INTS3: variants seen among roughly 807,000 people sequenced by gnomAD.
INTS3 encodes the protein SOSS complex subunit A.
In INTS3, 34 loss-of-function variants were observed where a neutral mutation model predicts 146.3. The observed-to-expected ratio is 0.23, with a 90% CI of 0.18 to 0.31. INTS3 has a LOEUF of 0.31. INTS3 is among the 10% of genes least tolerant of loss of function. The probability of loss-of-function intolerance (pLI) is 1.00; values close to 1 mark genes in which losing one functional copy is unlikely to be tolerated. For synonymous variants in INTS3, 475 were observed against 494.9 expected (o/e 0.96, Z 0.53); for missense variants, 757 against 1,304.2 (o/e 0.58, Z 6.46).
chr1:153,731,194 A>G (rs1671046642), intron 1 of INTS3, among the ~76,000 whole-genome samples: 1 of 152,178 alleles, frequency 6.6e-6, no homozygotes, highest in African/African-American at 2.4e-5. Context: ...AACAAAAACA[A>G]TAAACAAAAG....
In INTS3 at chr1:153,773,044, C is replaced by T. The variant is rs1422486410; in HGVS notation, c.3014C>T (p.Pro1005Leu). 9 of 1,614,192 alleles carry T rather than the reference C, an allele frequency of 5.6e-6. No homozygotes were observed. Among genetic ancestry groups the T allele is most frequent in the Admixed American group, 5.0e-5 (3 of 60,016 alleles). Residue 1005 changes from proline (P) to leucine (L), a missense_variant, in exon 29 of 30, where the codon CCC becomes CTC. Transcript: ENST00000318967. Reference protein sequence around the residue: ...PRSRKNATQPPNAEEESGSSS... With the variant: ...PRSRKNATQPLNAEEESGSSS... ...AGTCGAAAGAATGCCACACAGCCCCCCAATGCCGAAGAAGAGTCGGGCTCC... is the reference window on the plus strand; with the variant it reads ...AGTCGAAAGAATGCCACACAGCCCCTCAATGCCGAAGAAGAGTCGGGCTCC...
chr1:153,754,117 T>C lies in INTS3; in HGVS notation c.860-525T>C, dbSNP rs375802238. Among the ~76,000 whole-genome samples, 144 of 152,202 alleles carry C rather than the reference T, an allele frequency of 9.5e-4. 2 individuals carry two copies. Among genetic ancestry groups the C allele is most frequent in the African/African-American group, 3.3e-3 (139 of 41,532 alleles). On this transcript the variant is annotated intron_variant, in intron 8 of 29. Transcript: ENST00000318967. ...TGCTGGTCTTTTAAATTATTTTTGT[T>C]CTCTCATGTCAGGCAGGTAATGTGG... is the stretch of plus-strand genomic sequence containing the variant.
At chr1:153,764,819 G>T (rs961523534) in intron 19 of INTS3, 85 bp downstream of exon 19, 1 of 1,526,244 alleles carries the variant, frequency 6.6e-7, no homozygotes, top group African/African-American at 1.4e-5. Flanking sequence ...GGGGTAATGG[G>T]ACTCGCTTTC....
intron 1 of INTS3, among the ~76,000 whole-genome samples, chr1:153,740,000 CAT>C (rs1022791821): frequency 6.6e-6 from 1 of 151,522 alleles, no homozygotes; most frequent in Non-Finnish European, 1.5e-5. Flanking sequence ...CGGAGTTTCA[CAT>C]GTTGGTCAGG....
rs376736703 is a variant in INTS3 at position 153,757,625 on chromosome 1, G to A, written c.1011G>A (p.Leu337=). 109 of 1,614,192 alleles carry A rather than the reference G, an allele frequency of 6.8e-5. 2 individuals carry two copies. The East Asian group carries it at 1.4e-3, about 20-fold the overall frequency. Residue 337 remains leucine, a synonymous_variant, in exon 10 of 30, where the codon CTG becomes CTA. Transcript: ENST00000318967. The surrounding 1 kb of genome is among the most constrained non-coding windows in gnomAD (Gnocchi z 4.0). The stretch of plus-strand genomic sequence containing the variant: ...AAGATTGGTTCCAGCGCCAGTACCT[G>A]TCAACTCCAGATAGTCAGTCTCTGC... ...RYQDWFQRQY[L]STPDSQSLRC...
rs375460125 is a variant in INTS3, at chr1:153,771,972, C to T, written c.2720+9C>T. 54 of 1,608,350 alleles carry T rather than the reference C, an allele frequency of 3.4e-5. No individual in the cohort carries two copies. Among genetic ancestry groups the T allele is most frequent in the East Asian group, 4.5e-5 (2 of 44,636 alleles). On this transcript the variant is annotated intron_variant, in intron 26 of 29. Coordinates refer to ENST00000318967, the MANE Select transcript of INTS3 (RefSeq NM_023015.5). Reference sequence around the variant, plus strand: ...CCTCGCAAGAGACAGAGGTGGGACACGGTCCCTGTCTACCCTCCAGGCCAT... The same window carrying T: ...CCTCGCAAGAGACAGAGGTGGGACATGGTCCCTGTCTACCCTCCAGGCCAT...
At chr1:153,747,389 GAAGA>G (rs747282919) in intron 5 of INTS3, 26 bp downstream of exon 5, 2 of 1,558,660 alleles carry the variant, frequency 1.3e-6, no homozygotes, top group South Asian at 2.2e-5. Flanking sequence ...GGAGCATAAA[GAAGA>G]AAGGAGGAGA....
chr1:153,759,931 G>C, intron 11 of INTS3: 1 of 495,992 alleles, frequency 2.0e-6, no homozygotes, highest in Non-Finnish European at 3.6e-6. Context: ...CTGAATGCTG[G>C]GAACAAGAAG....
At chr1:153,759,702 C>T (rs1040382207) in intron 11 of INTS3, 89 bp downstream of exon 11, 2 of 843,932 alleles carry the variant, frequency 2.4e-6, no homozygotes, top group Non-Finnish European at 4.0e-6. Flanking sequence ...AATCTCAGGG[C>T]ACCGTGGAGT....
chr1:153,734,352 T>A (rs531778010), intron 1 of INTS3, among the ~76,000 whole-genome samples: 1 of 152,322 alleles, frequency 6.6e-6, no homozygotes, highest in Admixed American at 6.5e-5. Flanking sequence ...TGTAATCAAT[T>A]TTCCCATCCC....
chr1:153,770,747 C>G lies in INTS3; in HGVS notation c.2552+14C>G, dbSNP rs1252165589. 1.2e-6 allele frequency: 2 copies of G among 1,607,742 alleles called. No individual in the cohort carries two copies. The highest frequency in any genetic ancestry group is 2.2e-5 in the South Asian group (2 of 90,900). Reference sequence around the variant, plus strand: ...CCGAAGAGAAAAGTGAGTTCCACTTCTGGGGCTCTTTAGCCCTCAATTTTA... The same window carrying G: ...CCGAAGAGAAAAGTGAGTTCCACTTGTGGGGCTCTTTAGCCCTCAATTTTA... On this transcript the variant is annotated intron_variant, in intron 25 of 29. Coordinates refer to ENST00000318967, the MANE Select transcript of INTS3 (RefSeq NM_023015.5).
intron 20 of INTS3, chr1:153,766,792 C>T (rs955445177): frequency 2.0e-5 from 3 of 151,072 alleles, no homozygotes; most frequent in Non-Finnish European, 4.4e-5. Context: ...TAGGTTCCAG[C>T]AATTCTCCTG....
intron 21 of INTS3, among the ~76,000 whole-genome samples, chr1:153,768,571 T>G (rs1672691323): frequency 6.6e-6 from 1 of 152,198 alleles, no homozygotes; most frequent in Non-Finnish European, 1.5e-5. Context: ...CCACACAGAA[T>G]CAGCCACCAT....
intron 23 of INTS3, 99 bp from the exon 24 acceptor site, chr1:153,770,099 G>A (rs1248341303): frequency 2.1e-6 from 1 of 483,722 alleles, no homozygotes. Flanking sequence ...GTGTGTGTGT[G>A]TGTGCTGGTA....
intron 6 of INTS3, chr1:153,750,805 T>G: frequency 2.4e-6 from 1 of 421,646 alleles, no homozygotes; most frequent in Non-Finnish European, 4.2e-6. Flanking sequence ...ACAAAGAGAG[T>G]TATTTTCTTG....
intron 1 of INTS3, among the ~76,000 whole-genome samples, chr1:153,730,775 A>G (rs953410102): frequency 2.0e-5 from 3 of 152,136 alleles, no homozygotes; most frequent in East Asian, 3.9e-4. Context: ...GTTTCCCAGT[A>G]TGTCTCAAGC....
chr1:153,736,761 C>CTTTTTT (rs5777880), intron 1 of INTS3, among the ~76,000 whole-genome samples: 2 of 94,058 alleles, frequency 2.1e-5, no homozygotes, highest in African/African-American at 4.4e-5. Flanking sequence ...GTCTTTCATT[C>CTTTTTT]TTTTTTTTTT....
intron 25 of INTS3, among the ~76,000 whole-genome samples, chr1:153,771,216 C>G (rs760636554): frequency 3.3e-5 from 5 of 152,208 alleles, no homozygotes; most frequent in Non-Finnish European, 7.3e-5. Flanking sequence ...GCCCCCTCTT[C>G]CCGCAAAGCC....
At position 153,760,372 on chromosome 1, in the gene INTS3, C is replaced by T. The variant is rs770503519; in HGVS notation, c.1299C>T (p.Leu433=). 10 of 1,613,796 alleles carry T rather than the reference C, an allele frequency of 6.2e-6. No homozygotes were observed. The South Asian group carries it at 7.7e-5, about 12-fold the overall frequency. Residue 433 remains leucine (L), a synonymous_variant, in exon 12 of 30, where the codon CTC becomes CTT. Coordinates refer to ENST00000318967, the MANE Select transcript of INTS3 (RefSeq NM_023015.5). Reference sequence around the variant, plus strand: ...CCCACCCAGCCATCACTGCCACACTCCTGGACTTCATGTGCCGCGTAAGTG... The same window carrying T: ...CCCACCCAGCCATCACTGCCACACTTCTGGACTTCATGTGCCGCGTAAGTG... ...MKPHPAITAT[L]LDFMCRIIPN... is the part of the protein sequence containing the mutation.
Sources: gnomAD v4.1 joint callset for allele counts (sites outside exome capture counted in the v4.1 genomes callset) on GRCh38, gnomAD v4.1.1 for gene constraint, Gnocchi (gnomAD v3.1) non-coding constraint, MANE v1.5 for transcripts, NCBI Gene and HGNC (gene_info 2026-07-23, HGNC 2026-07-21) for gene names.